CYP3A4: variants seen among roughly 807,000 people sequenced by gnomAD.
CYP3A4 encodes cytochrome P450 3A4.
CYP3A4 carries 41 observed loss-of-function variants against 54.9 expected under a neutral mutation model. The observed-to-expected ratio is 0.75, with a 90% CI of 0.58 to 0.97. The LOEUF (loss-of-function observed/expected upper bound fraction) is 0.97. Ranked by LOEUF, CYP3A4 falls within the 50% of genes least tolerant of loss-of-function variation. CYP3A4 has a pLI of 0.00. For missense variants in CYP3A4, 510 were observed against 597.3 expected (o/e 0.85, Z 1.52); for synonymous variants, 179 against 205.2 (o/e 0.87, Z 1.09).
chr7:99,762,290 G>A, intron 10 of CYP3A4, 23 bp from the exon 11 acceptor site: 1 of 1,612,068 alleles, frequency 6.2e-7, no homozygotes, highest in Non-Finnish European at 8.5e-7. Flanking sequence ...AAACAGATTT[G>A]GATAAATTGA....
intron 12 of CYP3A4, among the ~76,000 whole-genome samples, 172 bp downstream of exon 12, chr7:99,760,647 T>G (rs925567002): frequency 1.3e-5 from 2 of 152,214 alleles, no homozygotes; most frequent in African/African-American, 4.8e-5. Flanking sequence ...GCTACAGCTT[T>G]TGAACTCCAG....
chr7:99,776,243 G>A (rs1345717332), intron 3 of CYP3A4, among the ~76,000 whole-genome samples: 2 of 152,196 alleles, frequency 1.3e-5, no homozygotes, highest in African/African-American at 4.8e-5. Flanking sequence ...TACACTGTTG[G>A]TGGGAGTGTA....
chr7:99,762,768 G>A (rs1348903743), intron 10 of CYP3A4, among the ~76,000 whole-genome samples: 2 of 152,226 alleles, frequency 1.3e-5, no homozygotes, highest in African/African-American at 4.8e-5. Flanking sequence ...CAGTGCTAGT[G>A]GAAGTTATAA....
In CYP3A4 at chr7:99,758,015, C is replaced by A; in HGVS notation, c.*118G>T. 1.3e-6 allele frequency: 1 copy of A among 786,196 alleles called. No homozygotes were observed. The highest frequency in any genetic ancestry group is 1.7e-5 in the African/African-American group (1 of 58,478). The allele number at this position is 786,196 out of a possible 1,614,324, so 48.7% of individuals were successfully genotyped here. A position where few individuals can be genotyped will look rare whatever the true frequency, so the allele number is the denominator to read the frequency against. On this transcript the variant is annotated 3_prime_UTR_variant, in exon 13 of 13. Transcript: ENST00000651514. ...TGTACAGAATCCCCGGTTATTTATG[C>A]AGTCCATTGGATGAAGCCCATCTTC...
At chr7:99,770,906 T>C (rs1269974803) in intron 4 of CYP3A4, among the ~76,000 whole-genome samples, 1 of 152,304 alleles carries the variant, frequency 6.6e-6, no homozygotes, top group Admixed American at 6.5e-5. Context: ...CCATTTTTTT[T>C]ATAATGAGTA....
intron 1 of CYP3A4, 30 bp from the exon 2 acceptor site, chr7:99,780,115 G>A: frequency 6.3e-7 from 1 of 1,592,804 alleles, no homozygotes; most frequent in Non-Finnish European, 8.6e-7. Flanking sequence ...TCAAGTCACA[G>A]CGATTGTGAC....
chr7:99,770,051 T>A, intron 5 of CYP3A4, 71 bp downstream of exon 5: 2 of 1,553,690 alleles, frequency 1.3e-6, no homozygotes, highest in Non-Finnish European at 1.8e-6. Context: ...GGGACTGTGA[T>A]CTTATTTTAT....
At chr7:99,771,783 C>G (rs575189962) in intron 4 of CYP3A4, among the ~76,000 whole-genome samples, 2 of 152,256 alleles carry the variant, frequency 1.3e-5, no homozygotes, top group African/African-American at 4.8e-5. Flanking sequence ...ATCAATGGGA[C>G]ACAGTAGTAC....
At chr7:99,770,336 A>T in intron 4 of CYP3A4, 101 bp from the exon 5 acceptor site, 1 of 975,544 alleles carries the variant, frequency 1.0e-6, no homozygotes, top group South Asian at 1.3e-5. Flanking sequence ...ACAACTATTT[A>T]GTGACTGTCT....
rs1435412522 is a variant in CYP3A4 at position 99,767,244 on chromosome 7, G to A, written c.685C>T (p.Leu229Phe). Residue 229 changes from leucine to phenylalanine, a missense_variant, in exon 8 of 13, where the codon CTC becomes TTC. Transcript: ENST00000651514. ...TTTAATACTTCAAGAATTGGGATGA[G>A]GAATGGAAAGACTGCTGTAGGAAAA... ...FFLSITVFPFLIPILEVLNIC... is the reference protein window; with the variant it reads ...FFLSITVFPFFIPILEVLNIC... 6.9e-6 allele frequency: 11 copies of A among 1,588,476 alleles called. No individual in the cohort carries two copies. The highest frequency in any genetic ancestry group is 1.7e-4 in the Middle Eastern group (1 of 5,930).
At chr7:99,773,103 A>G (rs549142837) in intron 3 of CYP3A4, among the ~76,000 whole-genome samples, 141 of 152,322 alleles carry the variant, frequency 9.3e-4, no homozygotes, top group African/African-American at 3.3e-3. Flanking sequence ...AAAGATGGGC[A>G]TTACATAATG....
In CYP3A4 at chr7:99,757,666, C is replaced by T. The variant is rs1445806751; in HGVS notation, c.*467G>A. The T allele has an allele frequency of 6.2e-6, 1 of 161,604 alleles. No homozygotes were observed. Among genetic ancestry groups the T allele is most frequent in the African/African-American group, 2.4e-5 (1 of 41,484 alleles). 10.0% of individuals were successfully genotyped at this position (161,604 alleles called of 1,614,324 possible). A position where few individuals can be genotyped will look rare whatever the true frequency, so the allele number is the denominator to read the frequency against. ...GATTTCTCCTTAATGTGCAGGAAAG[C>T]ATCTGATAATACTTTTGTAAAGTGG... On this transcript the variant is annotated 3_prime_UTR_variant, in exon 13 of 13. Coordinates refer to ENST00000651514, the MANE Select transcript of CYP3A4 (RefSeq NM_017460.6).
At chr7:99,770,776 C>T (rs1369766874) in intron 4 of CYP3A4, among the ~76,000 whole-genome samples, 2 of 152,108 alleles carry the variant, frequency 1.3e-5, no homozygotes, top group South Asian at 2.1e-4. Flanking sequence ...ATTCCATAAA[C>T]ATTCTTGTCT....
intron 2 of CYP3A4, among the ~76,000 whole-genome samples, chr7:99,778,482 A>T (rs75187416): frequency 1.3e-5 from 2 of 152,316 alleles, no homozygotes; most frequent in Admixed American, 6.5e-5. Context: ...ACAGTGTTTT[A>T]TCTCTTTGTC....
intron 12 of CYP3A4, among the ~76,000 whole-genome samples, 184 bp downstream of exon 12, chr7:99,760,635 A>G (rs531962651): frequency 6.6e-6 from 1 of 152,300 alleles, no homozygotes; most frequent in East Asian, 1.9e-4. Flanking sequence ...GATGTTTTTG[A>G]TGCTACAGCT....
intron 12 of CYP3A4, among the ~76,000 whole-genome samples, chr7:99,760,578 G>C (rs1194905841): frequency 6.6e-6 from 1 of 152,176 alleles, no homozygotes; most frequent in African/African-American, 2.4e-5. Flanking sequence ...TCAAGTTCAA[G>C]GAGACTGCAG....
intron 3 of CYP3A4, among the ~76,000 whole-genome samples, chr7:99,773,756 A>C (rs1815691574): frequency 2.6e-5 from 4 of 152,196 alleles, no homozygotes; most frequent in African/African-American, 9.7e-5. Flanking sequence ...AAAGATCTAA[A>C]ATTGACACAG....
At position 99,772,667 on chromosome 7, in the gene CYP3A4, C is replaced by T; in HGVS notation, c.241G>A (p.Val81Met). 3.1e-6 allele frequency: 5 copies of T among 1,613,366 alleles called. No individual in the cohort carries two copies. Among genetic ancestry groups the T allele is most frequent in the Non-Finnish European group, 4.2e-6 (5 of 1,179,456 alleles). Reference protein sequence around the residue: ...VWGFYDGQQPVLAITDPDMIK... With the variant: ...VWGFYDGQQPMLAITDPDMIK... Reference sequence around the variant, plus strand: ...ATGTCAGGATCTGTGATAGCCAGCACAGGCTGTTGACCATCATAAAAGCTG... The same window carrying T: ...ATGTCAGGATCTGTGATAGCCAGCATAGGCTGTTGACCATCATAAAAGCTG... The change falls in exon 4 of 13, where the codon GTG becomes ATG. Residue 81 changes from valine to methionine, a missense_variant. By Grantham distance (21) the Val-to-Met change is conservative. Around this residue, in one of 2 missense-constraint regions of CYP3A4, gnomAD observed 272 missense variants for 274.9 expected, o/e 0.99. Coordinates refer to ENST00000651514, the MANE Select transcript of CYP3A4 (RefSeq NM_017460.6).
At chr7:99,770,629 G>A (rs1334567241) in intron 4 of CYP3A4, among the ~76,000 whole-genome samples, 3 of 152,110 alleles carry the variant, frequency 2.0e-5, no homozygotes, top group African/African-American at 7.2e-5. Flanking sequence ...TGGATTGTAT[G>A]TTGCCTCAGA....
Sources: allele counts gnomAD v4.1 joint callset (sites outside exome capture counted in the v4.1 genomes callset), GRCh38; gene constraint gnomAD v4.1.1; regional missense constraint gnomAD v4.1.1; transcripts MANE v1.5; gene names NCBI Gene and HGNC (gene_info 2026-07-23, HGNC 2026-07-21).